GPHN: variants seen among roughly 807,000 people sequenced by gnomAD.
GPHN encodes gephyrin.
In GPHN, 17 loss-of-function variants were observed where a neutral mutation model predicts 95.5. The observed-to-expected ratio is 0.18, with a 90% CI of 0.12 to 0.27. The LOEUF is 0.27. GPHN is among the 10% of genes least tolerant of loss of function. The pLI is 1.00. For synonymous variants in GPHN, 320 were observed against 322.5 expected, an observed-to-expected ratio of 0.99 and a Z score of 0.08; for missense variants, 660 against 978.1, an observed-to-expected ratio of 0.67 and a Z score of 4.34.
At chr14:67,318,606 AGAG>A in the GPHN span, among the ~76,000 whole-genome samples, 1,956 of 152,244 alleles carry the variant, frequency 0.013, 41 homozygotes, top group African/African-American at 0.043. Context: ...AATCATTTTG[AGAG>A]GAGAAGGAAT....
intron 3 of GPHN, among the ~76,000 whole-genome samples, chr14:66,802,922 G>A (rs1278417377): frequency 1.3e-5 from 2 of 152,052 alleles, no homozygotes; most frequent in African/African-American, 4.8e-5. Context: ...GGGGTTAGGG[G>A]AGGGGTGATG....
chr14:67,729,642 AAAG>A, the GPHN span: 2 of 613,916 alleles, frequency 3.3e-6, no homozygotes, highest in East Asian at 3.0e-5. Flanking sequence ...GAAAGCTTTT[AAAG>A]AAGACTGTCG....
At chr14:67,576,351 C>T in the GPHN span, 1 of 1,142,686 alleles carries the variant, frequency 8.8e-7, no homozygotes, top group African/African-American at 1.5e-5. The surrounding 1 kb of genome is among the most constrained non-coding windows in gnomAD (Gnocchi z 4.0). Context: ...TGCCTCCACT[C>T]TTCCCACCCC....
chr14:67,069,302 A>G (rs10138952), intron 11 of GPHN, among the ~76,000 whole-genome samples: 50,575 of 152,040 alleles, frequency 0.33, 13,522 homozygotes, highest in African/African-American at 0.72. Context: ...GGATTCTAAG[A>G]TCATAACCCT....
the GPHN span, among the ~76,000 whole-genome samples, chr14:67,288,275 T>G: frequency 6.6e-6 from 1 of 152,064 alleles, no homozygotes; most frequent in Non-Finnish European, 1.5e-5. Flanking sequence ...AGAGACGGGA[T>G]TTTACCATGT....
chr14:67,724,393 T>G, the GPHN span: 1 of 282 alleles, frequency 3.5e-3, no homozygotes, highest in African/African-American at 7.2e-3. Context: ...CTGGATAGAG[T>G]TTTTTTTTTT....
At chr14:66,785,736 A>C (rs921593727) in intron 3 of GPHN, among the ~76,000 whole-genome samples, 14 of 151,782 alleles carry the variant, frequency 9.2e-5, no homozygotes, top group Non-Finnish European at 1.6e-4. Flanking sequence ...AAACAAACAA[A>C]AAAAAAAAAC....
chr14:67,084,829 C>T (rs1003466574), intron 11 of GPHN, among the ~76,000 whole-genome samples: 1 of 152,132 alleles, frequency 6.6e-6, no homozygotes. Context: ...GCCTTCCTGT[C>T]CAATGCAACA....
chr14:67,008,327 G>A (rs1268680565), intron 9 of GPHN, among the ~76,000 whole-genome samples: 9 of 151,506 alleles, frequency 5.9e-5, no homozygotes, highest in East Asian at 4.0e-4. Context: ...GTGGTGGTGC[G>A]TGCCTGTAAT....
At chr14:66,984,679 T>C (rs1026471109) in intron 9 of GPHN, among the ~76,000 whole-genome samples, 2 of 152,188 alleles carry the variant, frequency 1.3e-5, no homozygotes, top group African/African-American at 2.4e-5. Context: ...TTGAAGACTT[T>C]AACTGGGAAC....
intron 1 of GPHN, among the ~76,000 whole-genome samples, chr14:66,565,221 A>G (rs1043341997): frequency 1.3e-5 from 2 of 152,072 alleles, no homozygotes; most frequent in African/African-American, 4.8e-5. Context: ...GATGGTTCTG[A>G]GTGGCTTTCA....
At chr14:67,095,818 T>C (rs1229999424) in intron 12 of GPHN, among the ~76,000 whole-genome samples, 1 of 151,606 alleles carries the variant, frequency 6.6e-6, no homozygotes, top group African/African-American at 2.4e-5. Flanking sequence ...TTAGGAGATA[T>C]ACCTAATGCT....
the GPHN span, among the ~76,000 whole-genome samples, chr14:67,459,657 A>G: frequency 6.6e-6 from 1 of 152,222 alleles, no homozygotes; most frequent in African/African-American, 2.4e-5. Context: ...AAGCTTCTTG[A>G]GGGTCAGAGA....
chr14:67,495,466 G>A, the GPHN span, among the ~76,000 whole-genome samples: 1 of 151,658 alleles, frequency 6.6e-6, no homozygotes, highest in Non-Finnish European at 1.5e-5. Context: ...GGTTACATTT[G>A]TTAAATCACA....
At chr14:67,456,599 T>A in the GPHN span, among the ~76,000 whole-genome samples, 1 of 136,332 alleles carries the variant, frequency 7.3e-6, no homozygotes. Flanking sequence ...CAAAACTCCA[T>A]CTCAAAAAAA....
chr14:66,511,808 ATAAT>A (rs1348503210), intron 1 of GPHN, among the ~76,000 whole-genome samples: 8 of 152,012 alleles, frequency 5.3e-5, no homozygotes, highest in South Asian at 2.1e-4. Context: ...TGAGATTATG[ATAAT>A]TAATGTAACA....
At chr14:67,156,970 CAAA>C (rs769476551) in intron 18 of GPHN, among the ~76,000 whole-genome samples, 3 of 86,116 alleles carry the variant, frequency 3.5e-5, no homozygotes, top group Admixed American at 2.6e-4. Context: ...GACTCTGTCT[CAAA>C]AAAAAAAAAA....
At chr14:66,620,257 T>C (rs2063235902) in intron 1 of GPHN, among the ~76,000 whole-genome samples, 1 of 152,196 alleles carries the variant, frequency 6.6e-6, no homozygotes, top group Non-Finnish European at 1.5e-5. Context: ...AAGTAACATA[T>C]GTCAGCAATG....
chr14:67,479,591 AC>A, the GPHN span, among the ~76,000 whole-genome samples: 1 of 145,136 alleles, frequency 6.9e-6, no homozygotes, highest in Non-Finnish European at 1.5e-5. Context: ...GGTGGCATGC[AC>A]CTGTAATCCC....
Sources: gnomAD v4.1 joint callset for allele counts (sites outside exome capture counted in the v4.1 genomes callset) on GRCh38, gnomAD v4.1.1 for gene constraint, Gnocchi (gnomAD v3.1) non-coding constraint, MANE v1.5 for transcripts, NCBI Gene and HGNC (gene_info 2026-07-23, HGNC 2026-07-21) for gene names.